Variants in PKIA observed in about 807,000 individuals in gnomAD.
The protein encoded by PKIA is PKI-alpha.
PKIA carries 4 observed loss-of-function variants against 7.6 expected under a neutral mutation model. The observed-to-expected ratio is 0.52, with a 90% CI of 0.26 to 1.20. The LOEUF (loss-of-function observed/expected upper bound fraction) is 1.20, where lower values mean the gene tolerates loss of function less well. Among genes scored for constraint, PKIA ranks in the 50% most tolerant of loss-of-function variants. PKIA has a pLI of 0.13. For missense variants in PKIA, 73 were observed against 86.2 expected, an observed-to-expected ratio of 0.85 and a Z score of 0.61; for synonymous variants, 21 against 30.7, an observed-to-expected ratio of 0.68 and a Z score of 1.04.
chr8:78,569,752 G>A (rs1214691298), intron 1 of PKIA, among the ~76,000 whole-genome samples: 1 of 152,018 alleles, frequency 6.6e-6, no homozygotes, highest in Non-Finnish European at 1.5e-5. Flanking sequence ...AAGCAATTAT[G>A]TATTTCTTAA....
At chr8:78,586,155 A>T (rs1442663824) in intron 2 of PKIA, among the ~76,000 whole-genome samples, 3 of 152,098 alleles carry the variant, frequency 2.0e-5, no homozygotes, top group African/African-American at 7.2e-5. Flanking sequence ...CTTCTATTTC[A>T]TTATGAGCAG....
chr8:78,533,340 C>G (rs2118369984), intron 1 of PKIA, among the ~76,000 whole-genome samples: 1 of 152,252 alleles, frequency 6.6e-6, no homozygotes, highest in South Asian at 2.1e-4. Flanking sequence ...CTTGATTATT[C>G]ACATGTTCGT....
chr8:78,524,486 T>C (rs78659186), intron 1 of PKIA, among the ~76,000 whole-genome samples: 80 of 151,766 alleles, frequency 5.3e-4, no homozygotes, highest in Non-Finnish European at 1.1e-3. Context: ...CAAGCTGAGA[T>C]AAAATGGGGC....
At position 78,557,306 on chromosome 8, in the gene PKIA, A is replaced by G. The variant is rs933974837; in HGVS notation, c.-156-15505A>G. ...TGGCACCACTGGTAGTTTTCCAGGGACTTAATATTTCTGACACACACTCAA... is the reference window on the plus strand; with the variant it reads ...TGGCACCACTGGTAGTTTTCCAGGGGCTTAATATTTCTGACACACACTCAA... On this transcript the variant is annotated intron_variant, in intron 1 of 3. Transcript: ENST00000396418. Among the ~76,000 whole-genome samples the G allele has an allele frequency of 8.5e-5, 13 of 152,300 alleles. 1 individual carries two copies. The highest frequency in any genetic ancestry group is 3.3e-4 in the Admixed American group (5 of 15,282).
At chr8:78,566,383 T>C (rs1460438452) in intron 1 of PKIA, among the ~76,000 whole-genome samples, 1 of 152,092 alleles carries the variant, frequency 6.6e-6, no homozygotes, top group Non-Finnish European at 1.5e-5. Flanking sequence ...TTTTACATTA[T>C]ATTATACTTC....
intron 1 of PKIA, among the ~76,000 whole-genome samples, chr8:78,530,097 GATA>G (rs1806356723): frequency 6.6e-6 from 1 of 151,826 alleles, no homozygotes; most frequent in African/African-American, 2.4e-5. Flanking sequence ...CTAAAATTAT[GATA>G]ATAAATTATA....
chr8:78,588,146 C>T (rs1454417871), intron 2 of PKIA, among the ~76,000 whole-genome samples: 1 of 152,036 alleles, frequency 6.6e-6, no homozygotes, highest in African/African-American at 2.4e-5. Context: ...TTTATTCTAC[C>T]TGGAGATGGA....
At chr8:78,584,210 CCAAT>C (rs1361426304) in intron 2 of PKIA, among the ~76,000 whole-genome samples, 6 of 151,532 alleles carry the variant, frequency 4.0e-5, no homozygotes, top group Non-Finnish European at 7.4e-5. Flanking sequence ...GCCTTTGCAA[CCAAT>C]CAAATATAGC....
At chr8:78,594,085 A>T (rs1442982278) in intron 2 of PKIA, among the ~76,000 whole-genome samples, 1 of 152,236 alleles carries the variant, frequency 6.6e-6, no homozygotes, top group Non-Finnish European at 1.5e-5. Flanking sequence ...TCTATTGAGA[A>T]GGAGAAGTAA....
intron 1 of PKIA, among the ~76,000 whole-genome samples, chr8:78,552,942 C>T (rs1166618250): frequency 6.6e-6 from 1 of 151,892 alleles, no homozygotes; most frequent in Non-Finnish European, 1.5e-5. Flanking sequence ...AAAATAAACA[C>T]TACAAAATAT....
At chr8:78,553,109 T>A (rs1231121182) in intron 1 of PKIA, among the ~76,000 whole-genome samples, 1 of 146,970 alleles carries the variant, frequency 6.8e-6, no homozygotes, top group Non-Finnish European at 1.5e-5. Context: ...AAAAAAAGCC[T>A]GAAAAGCACT....
chr8:78,594,150 T>C (rs537610756), intron 2 of PKIA, among the ~76,000 whole-genome samples: 16 of 152,234 alleles, frequency 1.1e-4, no homozygotes, highest in Middle Eastern at 3.4e-3. Context: ...AACCTTTAGA[T>C]CGCTACCTGA....
At chr8:78,578,105 G>T (rs138383656) in intron 2 of PKIA, among the ~76,000 whole-genome samples, 94 of 152,072 alleles carry the variant, frequency 6.2e-4, no homozygotes, top group African/African-American at 2.2e-3. Flanking sequence ...ATTCAAGACA[G>T]TGTGTTAAAG....
intron 2 of PKIA, among the ~76,000 whole-genome samples, chr8:78,585,900 T>G (rs968969573): frequency 2.6e-5 from 4 of 152,200 alleles, no homozygotes; most frequent in African/African-American, 9.6e-5. Flanking sequence ...AATGGCATTC[T>G]TAGACTTTCC....
At chr8:78,534,891 A>C (rs1177398113) in intron 1 of PKIA, 1 of 152,176 alleles carries the variant, frequency 6.6e-6, no homozygotes, top group Non-Finnish European at 1.5e-5. Flanking sequence ...CAGTTCATCA[A>C]ATACAGCCCT....
At chr8:78,519,331 T>C (rs1287856550) in intron 1 of PKIA, among the ~76,000 whole-genome samples, 1 of 152,102 alleles carries the variant, frequency 6.6e-6, no homozygotes, top group Non-Finnish European at 1.5e-5. Flanking sequence ...GCCTTAAGAT[T>C]TGAGGCTGAG....
At chr8:78,559,598 G>A (rs1807235536) in intron 1 of PKIA, among the ~76,000 whole-genome samples, 1 of 152,280 alleles carries the variant, frequency 6.6e-6, no homozygotes, top group Middle Eastern at 3.4e-3. Context: ...CTGATCTCAA[G>A]TTCTCTTTCA....
chr8:78,540,628 C>A (rs992150311), intron 1 of PKIA, among the ~76,000 whole-genome samples: 1 of 152,016 alleles, frequency 6.6e-6, no homozygotes, highest in African/African-American at 2.4e-5. Flanking sequence ...TGAACCGTTC[C>A]CCTTTTTCAG....
chr8:78,600,073 C>T (rs1808318319), intron 3 of PKIA, among the ~76,000 whole-genome samples: 3 of 151,166 alleles, frequency 2.0e-5, no homozygotes, highest in African/African-American at 7.3e-5. Flanking sequence ...GTCTTCTTTT[C>T]TAAATATTTT....
Sources: allele counts gnomAD v4.1 joint callset (sites outside exome capture counted in the v4.1 genomes callset), GRCh38; gene constraint gnomAD v4.1.1; transcripts MANE v1.5; gene names NCBI Gene and HGNC (gene_info 2026-07-23, HGNC 2026-07-21).